Variants in ATP8A1 observed in about 807,000 individuals in gnomAD.
ATP8A1 encodes ATPase phospholipid transporting 8A1.
A neutral mutation model predicts 177.7 loss-of-function variants in ATP8A1; 90 were observed. That is an observed-to-expected ratio of 0.51 (90% CI 0.43 to 0.60). The LOEUF is 0.60. ATP8A1 is among the 20% of genes least tolerant of loss of function. The pLI, the probability that ATP8A1 is intolerant of heterozygous loss-of-function variation, is 0.00. For synonymous variants in ATP8A1, 493 were observed against 485.9 expected, an observed-to-expected ratio of 1.01 and a Z score of -0.19; for missense variants, 1,072 against 1,392.8, an observed-to-expected ratio of 0.77 and a Z score of 3.67.
intron 3 of ATP8A1, 139 bp downstream of exon 3, chr4:42,625,475 A>C (rs1737963513): frequency 1.9e-6 from 1 of 515,670 alleles, no homozygotes; most frequent in African/African-American, 2.0e-5. Context: ...GGATTCCAAC[A>C]CTGCTTGCAG....
intron 33 of ATP8A1, among the ~76,000 whole-genome samples, chr4:42,430,860 T>G (rs140783211): frequency 4.2e-4 from 64 of 152,308 alleles, no homozygotes; most frequent in African/African-American, 1.4e-3. Flanking sequence ...ATCTGGAATT[T>G]TCTTCCAGAT....
At chr4:42,439,408 T>C (rs1012600436) in intron 33 of ATP8A1, among the ~76,000 whole-genome samples, 2 of 152,248 alleles carry the variant, frequency 1.3e-5, no homozygotes, top group Non-Finnish European at 2.9e-5. Flanking sequence ...TGGAAAGATG[T>C]ACTTATGTGA....
chr4:42,461,044 G>A (rs1316305999), intron 27 of ATP8A1, among the ~76,000 whole-genome samples: 1 of 152,144 alleles, frequency 6.6e-6, no homozygotes, highest in African/African-American at 2.4e-5. Context: ...GTAGAGACTG[G>A]CCACACGTGC....
At chr4:42,436,595 G>C (rs746331867) in intron 33 of ATP8A1, among the ~76,000 whole-genome samples, 9 of 152,326 alleles carry the variant, frequency 5.9e-5, no homozygotes, top group Middle Eastern at 3.4e-3. Flanking sequence ...ACTGTTGGGG[G>C]CATGAGGACT....
intron 24 of ATP8A1, among the ~76,000 whole-genome samples, chr4:42,489,373 C>T (rs1403069190): frequency 1.3e-5 from 2 of 152,128 alleles, no homozygotes; most frequent in Non-Finnish European, 2.9e-5. Flanking sequence ...TTCTCTAACA[C>T]CTTAAAATTT....
chr4:42,430,531 T>C (rs1715159035), intron 33 of ATP8A1, among the ~76,000 whole-genome samples: 1 of 152,066 alleles, frequency 6.6e-6, no homozygotes, highest in Non-Finnish European at 1.5e-5. Context: ...TGCAGGTTTG[T>C]TACATAGGTA....
At chr4:42,547,309 C>A (rs1729029000) in intron 19 of ATP8A1, among the ~76,000 whole-genome samples, 1 of 152,226 alleles carries the variant, frequency 6.6e-6, no homozygotes, top group Admixed American at 6.5e-5. Context: ...TATTCCTCTA[C>A]AAGGTACACG....
chr4:42,578,084 C>A (rs1732655495), intron 12 of ATP8A1, among the ~76,000 whole-genome samples, 176 bp downstream of exon 12: 1 of 152,108 alleles, frequency 6.6e-6, no homozygotes, highest in Non-Finnish European at 1.5e-5. Context: ...CAATGTCTGG[C>A]CTGTAAACTT....
At chr4:42,638,681 C>A (rs915627347) in intron 1 of ATP8A1, among the ~76,000 whole-genome samples, 1 of 152,100 alleles carries the variant, frequency 6.6e-6, no homozygotes, top group Non-Finnish European at 1.5e-5. Flanking sequence ...TGGGAATAAC[C>A]CACAGATAAC....
intron 18 of ATP8A1, among the ~76,000 whole-genome samples, chr4:42,549,865 C>T (rs772055817): frequency 5.3e-5 from 8 of 151,950 alleles, no homozygotes; most frequent in African/African-American, 1.2e-4. Context: ...CCAAATACAA[C>T]GATGTTCAGC....
chr4:42,462,254 G>C (rs1301813370), intron 27 of ATP8A1, among the ~76,000 whole-genome samples: 2 of 152,210 alleles, frequency 1.3e-5, no homozygotes, highest in Non-Finnish European at 2.9e-5. Flanking sequence ...ATGTCTCCAG[G>C]GTATGTCAGA....
chr4:42,550,407 G>A (rs531652139), intron 18 of ATP8A1, among the ~76,000 whole-genome samples: 3 of 152,086 alleles, frequency 2.0e-5, no homozygotes, highest in Non-Finnish European at 4.4e-5. Context: ...GCTGATAGGA[G>A]CATTTTGTTC....
At chr4:42,646,623 A>T (rs1160005536) in intron 1 of ATP8A1, among the ~76,000 whole-genome samples, 3 of 152,186 alleles carry the variant, frequency 2.0e-5, no homozygotes, top group Non-Finnish European at 4.4e-5. Flanking sequence ...CACAAAGGCC[A>T]ATCTTGTACT....
intron 6 of ATP8A1, among the ~76,000 whole-genome samples, chr4:42,597,935 T>C (rs1341390645): frequency 6.6e-6 from 1 of 152,190 alleles, no homozygotes; most frequent in Non-Finnish European, 1.5e-5. Context: ...ATACTGAGTC[T>C]GGTCAATTAT....
chr4:42,506,914 A>G, intron 23 of ATP8A1, 102 bp downstream of exon 23: 1 of 1,343,366 alleles, frequency 7.4e-7, no homozygotes, highest in Non-Finnish European at 1.0e-6. Flanking sequence ...CAATCTTGAC[A>G]TATCAAATCT....
At chr4:42,636,441 C>G (rs1209668607) in intron 1 of ATP8A1, among the ~76,000 whole-genome samples, 3 of 151,588 alleles carry the variant, frequency 2.0e-5, no homozygotes, top group Non-Finnish European at 4.4e-5. Flanking sequence ...AAAGAAGGAA[C>G]CACTACTCTG....
intron 33 of ATP8A1, among the ~76,000 whole-genome samples, chr4:42,426,870 C>T (rs1052962091): frequency 6.6e-6 from 1 of 152,140 alleles, no homozygotes; most frequent in Non-Finnish European, 1.5e-5. Flanking sequence ...AATAAAGTGC[C>T]ATTCATCTCA....
At chr4:42,461,091 C>T (rs548050195) in intron 27 of ATP8A1, among the ~76,000 whole-genome samples, 9 of 152,054 alleles carry the variant, frequency 5.9e-5, no homozygotes, top group Admixed American at 1.3e-4. Context: ...CAAATTGAGA[C>T]GTGGTATAAA....
chr4:42,473,708 C>A (rs961870260), intron 25 of ATP8A1, among the ~76,000 whole-genome samples: 1 of 152,024 alleles, frequency 6.6e-6, no homozygotes, highest in Admixed American at 6.6e-5. Context: ...TGCAGTGGCA[C>A]AATCTTGGCT....
Sources: gnomAD v4.1 joint callset for allele counts (sites outside exome capture counted in the v4.1 genomes callset) on GRCh38, gnomAD v4.1.1 for gene constraint, MANE v1.5 for transcripts, NCBI Gene and HGNC (gene_info 2026-07-23, HGNC 2026-07-21) for gene names.